Variants in GRIN2B observed in about 807,000 individuals in gnomAD.
GRIN2B encodes the protein glutamate ionotropic receptor NMDA type subunit 2B, also known as glutamate receptor ionotropic, NMDA 2B.
GRIN2B carries 5 observed loss-of-function variants against 114.5 expected under a neutral mutation model. The ratio of observed to expected loss-of-function variants is 0.04; its 90% CI spans 0.02 to 0.09. The LOEUF (loss-of-function observed/expected upper bound fraction) is 0.09. GRIN2B is among the 10% of genes least tolerant of loss of function. The probability of loss-of-function intolerance (pLI) is 1.00; values close to 1 mark genes in which losing one functional copy is unlikely to be tolerated. For synonymous variants in GRIN2B, 787 were observed against 745.1 expected (o/e 1.06, Z -0.92); for missense variants, 1,108 against 1,943.5 (o/e 0.57, Z 8.08).
At chr12:13,632,802 T>A (rs1949627777) in intron 5 of GRIN2B, among the ~76,000 whole-genome samples, 1 of 152,042 alleles carries the variant, frequency 6.6e-6, no homozygotes. Flanking sequence ...ACGTCTGTGG[T>A]TTTCAACCAG....
intron 3 of GRIN2B, among the ~76,000 whole-genome samples, chr12:13,825,605 T>C (rs184911139): frequency 6.7e-6 from 1 of 148,782 alleles, no homozygotes; most frequent in African/African-American, 2.5e-5. Flanking sequence ...CAACCTCCAC[T>C]TCCTGGGTTC....
chr12:13,891,325 G>A (rs1172760856), intron 2 of GRIN2B, among the ~76,000 whole-genome samples: 2 of 151,848 alleles, frequency 1.3e-5, no homozygotes, highest in African/African-American at 4.8e-5. Context: ...CTGCACCAAT[G>A]TTCTCCCCCT....
chr12:13,888,667 G>T (rs1866206654), intron 2 of GRIN2B, among the ~76,000 whole-genome samples: 1 of 151,804 alleles, frequency 6.6e-6, no homozygotes, highest in African/African-American at 2.4e-5. Flanking sequence ...TCGGGAGGTG[G>T]AGGTTGTAGA....
intron 3 of GRIN2B, among the ~76,000 whole-genome samples, chr12:13,756,855 A>G (rs1382269656): frequency 2.0e-5 from 3 of 152,242 alleles, no homozygotes; most frequent in African/African-American, 7.2e-5. Flanking sequence ...AAACCAATCT[A>G]TTAAATACCA....
intron 3 of GRIN2B, among the ~76,000 whole-genome samples, chr12:13,818,950 C>A (rs1258865925): frequency 6.6e-6 from 1 of 152,224 alleles, no homozygotes; most frequent in Non-Finnish European, 1.5e-5. Context: ...TACATTCACA[C>A]ATTTCCAACA....
At chr12:13,744,034 A>T (rs997973194) in intron 4 of GRIN2B, among the ~76,000 whole-genome samples, 2 of 152,202 alleles carry the variant, frequency 1.3e-5, no homozygotes, top group Admixed American at 1.3e-4. Context: ...AGATTCATTT[A>T]TAGGCTCATC....
intron 2 of GRIN2B, among the ~76,000 whole-genome samples, chr12:13,978,036 C>G (rs1170951621): frequency 6.6e-6 from 1 of 152,136 alleles, no homozygotes; most frequent in African/African-American, 2.4e-5. Context: ...CAAACAGCAT[C>G]CTTGTCAAAC....
chr12:13,640,829 A>G (rs1949708098), intron 5 of GRIN2B, among the ~76,000 whole-genome samples: 2 of 152,094 alleles, frequency 1.3e-5, no homozygotes, highest in Non-Finnish European at 2.9e-5. Context: ...GACAGCACTC[A>G]TTACCTACCC....
intron 9 of GRIN2B, 28 bp downstream of exon 9, chr12:13,611,697 G>A: frequency 6.2e-7 from 1 of 1,610,682 alleles, no homozygotes; most frequent in African/African-American, 1.3e-5. Flanking sequence ...AAAAACTGGG[G>A]AAGTGCAGCG....
At chr12:13,965,577 A>G (rs1867777189) in intron 2 of GRIN2B, among the ~76,000 whole-genome samples, 1 of 151,504 alleles carries the variant, frequency 6.6e-6, no homozygotes, top group African/African-American at 2.4e-5. Context: ...ACACACACAC[A>G]CACGTGTGTG....
At chr12:13,920,683 C>T (rs1306962425) in intron 2 of GRIN2B, among the ~76,000 whole-genome samples, 2 of 152,246 alleles carry the variant, frequency 1.3e-5, no homozygotes, top group Admixed American at 6.5e-5. Flanking sequence ...ACCTGGAAGA[C>T]GTCACTTTGA....
At chr12:13,809,520 G>A (rs939951431) in intron 3 of GRIN2B, among the ~76,000 whole-genome samples, 3 of 151,930 alleles carry the variant, frequency 2.0e-5, no homozygotes, top group Admixed American at 1.3e-4. Context: ...AATAATGGTT[G>A]TTATGTGACT....
intron 3 of GRIN2B, among the ~76,000 whole-genome samples, chr12:13,800,995 C>A (rs569140562): frequency 2.9e-4 from 44 of 152,166 alleles, no homozygotes; most frequent in African/African-American, 1.0e-3. Context: ...AGAATAAATT[C>A]CTCAAGGGGA....
chr12:13,948,485 T>A (rs761230970), intron 2 of GRIN2B, among the ~76,000 whole-genome samples: 1 of 152,164 alleles, frequency 6.6e-6, no homozygotes. Context: ...TAGATTTTTT[T>A]ATATATATCC....
At chr12:13,807,718 T>TGC (rs1451572155) in intron 3 of GRIN2B, among the ~76,000 whole-genome samples, 24 of 128,994 alleles carry the variant, frequency 1.9e-4, no homozygotes, top group Non-Finnish European at 3.5e-4. Context: ...GCTTTTTTTT[T>TGC]TTTTTTTTTT....
At chr12:13,823,925 A>C (rs1864983796) in intron 3 of GRIN2B, among the ~76,000 whole-genome samples, 1 of 152,150 alleles carries the variant, frequency 6.6e-6, no homozygotes. Context: ...TTTTCATATT[A>C]ATATAATGAA....
chr12:13,892,807 G>C (rs1222097199), intron 2 of GRIN2B, among the ~76,000 whole-genome samples: 1 of 152,194 alleles, frequency 6.6e-6, no homozygotes, highest in Non-Finnish European at 1.5e-5. Flanking sequence ...CTTTGAGAGA[G>C]TGAAGGTTAT....
chr12:13,728,622 A>G (rs2300259), intron 4 of GRIN2B, among the ~76,000 whole-genome samples: 20,293 of 152,092 alleles, frequency 0.13, 1,454 homozygotes, highest in South Asian at 0.2. Flanking sequence ...GTGTGCTTCA[A>G]TATCAAAGAT....
At chr12:13,827,229 C>CTTTTTTTTTTTTTT (rs57007962) in intron 3 of GRIN2B, among the ~76,000 whole-genome samples, 10 of 98,648 alleles carry the variant, frequency 1.0e-4, no homozygotes, top group African/African-American at 2.5e-4. Context: ...TTGTTGTTTT[C>CTTTTTTTTTTTTTT]TTTTTTTTTT....
Sources: allele counts gnomAD v4.1 joint callset (sites outside exome capture counted in the v4.1 genomes callset), GRCh38; gene constraint gnomAD v4.1.1; transcripts MANE v1.5; gene names NCBI Gene and HGNC (gene_info 2026-07-23, HGNC 2026-07-21).